The following ATRNL1 variants were observed in gnomAD, a reference collection of about 807,000 sequenced individuals.
ATRNL1 encodes the protein attractin-like protein 1.
In ATRNL1, 95 loss-of-function variants were observed where a neutral mutation model predicts 182.7. The observed-to-expected ratio is 0.52, with a 90% confidence interval of 0.44 to 0.62. ATRNL1 has a LOEUF of 0.62. Among genes scored for constraint, ATRNL1 ranks in the 20% least tolerant of loss-of-function variants. The pLI, the probability that ATRNL1 is intolerant of heterozygous loss-of-function variation, is 0.00. For synonymous variants in ATRNL1, 576 were observed against 568.3 expected (o/e 1.01, Z -0.19); for missense variants, 1,471 against 1,679.5 (o/e 0.88, Z 2.17).
intron 18 of ATRNL1, among the ~76,000 whole-genome samples, chr10:115,333,863 T>C (rs1211153349): frequency 6.6e-6 from 1 of 152,214 alleles, no homozygotes; most frequent in African/African-American, 2.4e-5. Context: ...CTATTTTCTA[T>C]ATTGATTGAC....
intron 26 of ATRNL1, among the ~76,000 whole-genome samples, chr10:115,563,413 A>G (rs1853879181): frequency 1.3e-5 from 2 of 152,136 alleles, no homozygotes. Context: ...GTGCTGAGCA[A>G]TTCTCTTCCT....
At chr10:115,243,190 A>G (rs944433466) in intron 10 of ATRNL1, among the ~76,000 whole-genome samples, 2 of 152,106 alleles carry the variant, frequency 1.3e-5, no homozygotes, top group Non-Finnish European at 2.9e-5. Flanking sequence ...GAGCTTCCAC[A>G]CAATGTCTGT....
intron 24 of ATRNL1, among the ~76,000 whole-genome samples, chr10:115,512,228 A>T (rs1489085136): frequency 2.6e-5 from 4 of 151,954 alleles, no homozygotes; most frequent in Non-Finnish European, 5.9e-5. Context: ...CCCTGAGAAG[A>T]TATACTTTCA....
At chr10:115,604,471 A>G (rs913938866) in intron 26 of ATRNL1, among the ~76,000 whole-genome samples, 3 of 152,168 alleles carry the variant, frequency 2.0e-5, no homozygotes, top group Non-Finnish European at 2.9e-5. Flanking sequence ...GAAACTGTGC[A>G]AGTCACCAGT....
intron 26 of ATRNL1, among the ~76,000 whole-genome samples, chr10:115,612,581 A>G (rs896909684): frequency 2.0e-5 from 3 of 152,242 alleles, no homozygotes; most frequent in Non-Finnish European, 4.4e-5. Context: ...GTGGCTTATC[A>G]CAGGAGTTGA....
chr10:115,576,287 C>T (rs1854703074), intron 26 of ATRNL1, among the ~76,000 whole-genome samples: 1 of 152,046 alleles, frequency 6.6e-6, no homozygotes, highest in East Asian at 1.9e-4. Flanking sequence ...TAGGATAATT[C>T]TTTTTTTCAT....
chr10:115,103,036 T>C (rs1173415039), intron 1 of ATRNL1, among the ~76,000 whole-genome samples: 1 of 135,360 alleles, frequency 7.4e-6, no homozygotes, highest in Non-Finnish European at 1.6e-5. Flanking sequence ...TATATATTTT[T>C]AGTGTTTTTT....
chr10:115,903,811 AGG>A, intron 28 of ATRNL1, among the ~76,000 whole-genome samples: 1 of 129,818 alleles, frequency 7.7e-6, no homozygotes, highest in Non-Finnish European at 1.9e-5. Context: ...CTTGGGCTGG[AGG>A]AGAAGGAGAA....
intron 28 of ATRNL1, among the ~76,000 whole-genome samples, chr10:115,898,432 C>T (rs782715495): frequency 1.3e-5 from 2 of 152,194 alleles, no homozygotes; most frequent in Non-Finnish European, 2.9e-5. Context: ...GCTGCCCCCA[C>T]GTGGGCTGTC....
rs1413291621 is a variant in ATRNL1, at chr10:115,790,046, GAT to G, written c.3904-57828_3904-57827del. 5.3e-5 allele frequency among the ~76,000 whole-genome samples: 8 copies of G among 152,194 alleles called. No individual in the cohort carries two copies. The South Asian group carries it at 8.3e-4, about 16-fold the overall frequency. On this transcript the variant is annotated intron_variant, in intron 27 of 28. Coordinates refer to ENST00000355044, the MANE Select transcript of ATRNL1 (RefSeq NM_207303.4). ...ACAGTTTTGTTAGCCAGAGAATAAA[GAT>G]ATTTGTATTCCATTAAATATTCTAT...
intron 26 of ATRNL1, among the ~76,000 whole-genome samples, chr10:115,571,875 C>T (rs1304342676): frequency 6.6e-6 from 1 of 151,030 alleles, no homozygotes; most frequent in South Asian, 2.1e-4. Flanking sequence ...TGTGTCTTAC[C>T]GTCTGTTCTA....
At chr10:115,752,742 A>C (rs1565347903) in intron 27 of ATRNL1, among the ~76,000 whole-genome samples, 1 of 152,106 alleles carries the variant, frequency 6.6e-6, no homozygotes, top group Non-Finnish European at 1.5e-5. Context: ...CCATAAATAG[A>C]CAAGAAAATG....
chr10:115,297,249 A>G (rs1205977922), intron 15 of ATRNL1, among the ~76,000 whole-genome samples: 3 of 152,204 alleles, frequency 2.0e-5, no homozygotes. Context: ...GTGTATTTGT[A>G]AAGTATTATT....
intron 24 of ATRNL1, among the ~76,000 whole-genome samples, chr10:115,482,626 G>C (rs967717171): frequency 4.6e-5 from 7 of 150,974 alleles, no homozygotes; most frequent in African/African-American, 1.2e-4. Flanking sequence ...ACTTTGAGTA[G>C]TCTAATAAAT....
At chr10:115,815,024 T>C (rs1950128973) in intron 27 of ATRNL1, among the ~76,000 whole-genome samples, 1 of 152,092 alleles carries the variant, frequency 6.6e-6, no homozygotes, top group Admixed American at 6.6e-5. Flanking sequence ...TAGAAGAAAA[T>C]CTGAGGAGCA....
At chr10:115,402,932 A>C (rs1242356826) in intron 20 of ATRNL1, among the ~76,000 whole-genome samples, 1 of 152,168 alleles carries the variant, frequency 6.6e-6, no homozygotes, top group Non-Finnish European at 1.5e-5. Flanking sequence ...TACTAATAGT[A>C]AATTGTGAAA....
chr10:115,669,143 A>G (rs1945612308), intron 26 of ATRNL1, among the ~76,000 whole-genome samples: 1 of 152,152 alleles, frequency 6.6e-6, no homozygotes, highest in Admixed American at 6.6e-5. Context: ...AGGCTTTAGC[A>G]AATTTAAAGT....
chr10:115,159,893 T>C, intron 5 of ATRNL1, 147 bp from the exon 6 acceptor site: 1 of 590,306 alleles, frequency 1.7e-6, no homozygotes, highest in Non-Finnish European at 2.6e-6. Context: ...AGTATTATTC[T>C]TGTAAGTTAT....
intron 19 of ATRNL1, among the ~76,000 whole-genome samples, chr10:115,385,447 A>G (rs1858283627): frequency 1.3e-5 from 2 of 152,100 alleles, no homozygotes; most frequent in South Asian, 2.1e-4. Context: ...GAAGTCTTAT[A>G]ATATTTCACA....
Sources: allele counts gnomAD v4.1 joint callset (sites outside exome capture counted in the v4.1 genomes callset), GRCh38; gene constraint gnomAD v4.1.1; transcripts MANE v1.5; gene names NCBI Gene and HGNC (gene_info 2026-07-23, HGNC 2026-07-21).